The following SLC22A15 variants were observed in gnomAD, a reference collection of about 807,000 sequenced individuals.
The protein encoded by SLC22A15 is flipt 1.
In SLC22A15, 45 loss-of-function variants were observed where a neutral mutation model predicts 62.7. The ratio of observed to expected loss-of-function variants is 0.72; its 90% confidence interval spans 0.56 to 0.92. The LOEUF (loss-of-function observed/expected upper bound fraction) is 0.92. Ranked by LOEUF, SLC22A15 falls within the 40% of genes least tolerant of loss-of-function variation. SLC22A15 has a pLI of 0.00. For synonymous variants in SLC22A15, 264 were observed against 267.0 expected (o/e 0.99, Z 0.11); for missense variants, 622 against 665.6 (o/e 0.93, Z 0.72).
intron 8 of SLC22A15, among the ~76,000 whole-genome samples, chr1:116,057,902 T>C (rs1314904728): frequency 1.3e-5 from 2 of 152,078 alleles, no homozygotes; most frequent in African/African-American, 2.4e-5. Context: ...CTCTGGGGAC[T>C]GTTGTTGGGT....
intron 2 of SLC22A15, among the ~76,000 whole-genome samples, chr1:116,014,524 G>A (rs1250237236): frequency 6.6e-6 from 1 of 152,136 alleles, no homozygotes; most frequent in African/African-American, 2.4e-5. Flanking sequence ...TGTCTTTATA[G>A]TCCTCCTTTT....
At chr1:116,058,440 G>A (rs762664052) in intron 8 of SLC22A15, among the ~76,000 whole-genome samples, 10 of 152,144 alleles carry the variant, frequency 6.6e-5, no homozygotes, top group Non-Finnish European at 1.3e-4. Context: ...TGCAAGACTG[G>A]CCATAATCAA....
At chr1:115,995,097 G>T (rs1238129871) in intron 2 of SLC22A15, among the ~76,000 whole-genome samples, 2 of 151,716 alleles carry the variant, frequency 1.3e-5, no homozygotes, top group Non-Finnish European at 2.9e-5. Flanking sequence ...GTTTGGTTTT[G>T]CATCCCAAGT....
chr1:116,038,184 T>C (rs950831651), intron 8 of SLC22A15, among the ~76,000 whole-genome samples: 1 of 152,170 alleles, frequency 6.6e-6, no homozygotes, highest in Admixed American at 6.5e-5. Context: ...AAGAGCCCTG[T>C]CTTAGGGGCT....
Position 116,031,847 on chromosome 1 carries a change from G to C in SLC22A15, c.944+266G>C, listed in dbSNP as rs1657416543. The C allele has an allele frequency of 2.3e-6, 3 of 1,289,164 alleles. 1 individual carries two copies. The South Asian group carries it at 6.2e-5, about 27-fold the overall frequency. 79.9% of individuals were successfully genotyped at this position (1,289,164 alleles called of 1,614,324 possible). ...ATCAGAAGCACATCTTTGCTTTTGAGGTATTTATCATAAATATTTAAGCCT... is the reference window on the plus strand; with the variant it reads ...ATCAGAAGCACATCTTTGCTTTTGACGTATTTATCATAAATATTTAAGCCT... On this transcript the variant is annotated intron_variant, in intron 6 of 11. Transcript: ENST00000369503.
At chr1:115,993,575 G>A (rs2101100684) in intron 2 of SLC22A15, among the ~76,000 whole-genome samples, 1 of 152,200 alleles carries the variant, frequency 6.6e-6, no homozygotes, top group South Asian at 2.1e-4. Flanking sequence ...GGGGAGACAT[G>A]CCAAGGATGA....
At chr1:115,993,130 T>A (rs1655236875) in intron 2 of SLC22A15, among the ~76,000 whole-genome samples, 1 of 152,026 alleles carries the variant, frequency 6.6e-6, no homozygotes, top group South Asian at 2.1e-4. Context: ...AAACCCTGGA[T>A]GGGGGCAGAT....
chr1:116,009,891 A>G (rs1462082069), intron 2 of SLC22A15, among the ~76,000 whole-genome samples: 1 of 152,234 alleles, frequency 6.6e-6, no homozygotes, highest in Non-Finnish European at 1.5e-5. Flanking sequence ...AAATATTAAG[A>G]GAGATTCTAC....
chr1:116,049,168 C>T (rs1175697757), intron 8 of SLC22A15, among the ~76,000 whole-genome samples: 3 of 151,982 alleles, frequency 2.0e-5, no homozygotes, highest in African/African-American at 7.2e-5. Flanking sequence ...TTTCAGTACT[C>T]CACTGACAGC....
At chr1:116,062,730 G>A (rs777221511) in intron 8 of SLC22A15, 32 bp from the exon 9 acceptor site, 8 of 1,612,646 alleles carry the variant, frequency 5.0e-6, no homozygotes, top group Middle Eastern at 1.7e-4. Flanking sequence ...TTCAACTGTG[G>A]GTCTCACAGG....
chr1:115,991,651 G>A (rs1380532642), intron 1 of SLC22A15, among the ~76,000 whole-genome samples: 1 of 152,174 alleles, frequency 6.6e-6, no homozygotes, highest in African/African-American at 2.4e-5. Context: ...TGAAGATATA[G>A]TGTTGAAGAG....
chr1:116,028,716 C>T (rs1178560256), intron 5 of SLC22A15, among the ~76,000 whole-genome samples: 2 of 151,986 alleles, frequency 1.3e-5, no homozygotes, highest in African/African-American at 4.8e-5. Flanking sequence ...CCACAGTCAG[C>T]CTCCATTTAT....
intron 8 of SLC22A15, 137 bp downstream of exon 8, chr1:116,037,525 G>A (rs1005212678): frequency 1.5e-6 from 1 of 680,288 alleles, no homozygotes; most frequent in African/African-American, 1.8e-5. Flanking sequence ...GGGATATAAT[G>A]GGCCAGATTC....
In SLC22A15 at chr1:116,067,422, A is replaced by C; in HGVS notation, c.*314A>C. 1 of 265,888 alleles carries C rather than the reference A, an allele frequency of 3.8e-6. No individual in the cohort carries two copies. Among genetic ancestry groups the C allele is most frequent in the Non-Finnish European group, 7.1e-6 (1 of 140,890 alleles). The allele number at this position is 265,888 out of a possible 1,614,324, so 16.5% of individuals were successfully genotyped here. On this transcript the variant is annotated 3_prime_UTR_variant, in exon 12 of 12. Coordinates refer to ENST00000369503, the MANE Select transcript of SLC22A15 (RefSeq NM_018420.3). ...AGGCTCATTTGTTTCTAGAGATTTCATCATGTCGCTTTTCCTTCATCATGA... is the reference window on the plus strand; with the variant it reads ...AGGCTCATTTGTTTCTAGAGATTTCCTCATGTCGCTTTTCCTTCATCATGA...
chr1:116,020,830 G>A lies in SLC22A15; in HGVS notation c.543G>A (p.Leu181=). The change falls in exon 4 of 12, where the codon CTG becomes CTA. Residue 181 remains leucine, a synonymous_variant. Transcript: ENST00000369503. ...LVGMMNGGMS[L]VAFVLLNECV... ...GCATGATGAATGGAGGGATGTCGCT[G>A]GTGGCCTTTGTCTTGCTTAATGAAT... 6.2e-7 allele frequency: 1 copy of A among 1,613,696 alleles called. No individual in the cohort carries two copies. Among genetic ancestry groups the A allele is most frequent in the Admixed American group, 1.7e-5 (1 of 60,006 alleles).
intron 4 of SLC22A15, among the ~76,000 whole-genome samples, chr1:116,023,303 A>C (rs2101352435): frequency 6.6e-6 from 1 of 152,316 alleles, no homozygotes; most frequent in South Asian, 2.1e-4. Flanking sequence ...GAAGTGAAAA[A>C]CAAAAAATAC....
At chr1:116,050,130 A>C (rs1358958158) in intron 8 of SLC22A15, among the ~76,000 whole-genome samples, 1 of 152,186 alleles carries the variant, frequency 6.6e-6, no homozygotes, top group Non-Finnish European at 1.5e-5. Flanking sequence ...AAAAAAGTCC[A>C]GGACCAGACA....
chr1:115,989,953 G>T (rs1655068697), intron 1 of SLC22A15, among the ~76,000 whole-genome samples: 1 of 152,164 alleles, frequency 6.6e-6, no homozygotes, highest in African/African-American at 2.4e-5. Flanking sequence ...AAGCTCAAAG[G>T]TGAATCAGAC....
chr1:116,061,283 A>G (rs1658372760), intron 8 of SLC22A15, among the ~76,000 whole-genome samples: 1 of 152,172 alleles, frequency 6.6e-6, no homozygotes, highest in African/African-American at 2.4e-5. Flanking sequence ...ATTGGAAAGT[A>G]GGGGCAGTGG....
Sources: gnomAD v4.1 joint callset for allele counts (sites outside exome capture counted in the v4.1 genomes callset) on GRCh38, gnomAD v4.1.1 for gene constraint, MANE v1.5 for transcripts, NCBI Gene and HGNC (gene_info 2026-07-23, HGNC 2026-07-21) for gene names.